Variants in SUDS3 observed in about 807,000 individuals in gnomAD.
The protein encoded by SUDS3 is sin3 histone deacetylase corepressor complex component SDS3.
A neutral mutation model predicts 53.5 loss-of-function variants in SUDS3; 23 were observed. The ratio of observed to expected loss-of-function variants is 0.43; its 90% CI spans 0.31 to 0.61. The LOEUF (loss-of-function observed/expected upper bound fraction) is 0.61, where lower values mean the gene tolerates loss of function less well. Ranked by LOEUF, SUDS3 falls within the 20% of genes least tolerant of loss-of-function variation. SUDS3 has a pLI of 0.10. For missense variants in SUDS3, 291 were observed against 405.9 expected (o/e 0.72, Z 2.43); for synonymous variants, 150 against 148.5 (o/e 1.01, Z -0.08).
intron 6 of SUDS3, among the ~76,000 whole-genome samples, chr12:118,391,522 T>C (rs184426443): frequency 4.2e-4 from 64 of 152,344 alleles, no homozygotes; most frequent in African/African-American, 1.5e-3. Context: ...GGATTGTGGT[T>C]AGACATATGA....
rs550407972 is a variant in SUDS3, at chr12:118,384,988, G to A, written c.268+921G>A. ...AGCAAGTAAGAGTAGATGTGATTAT[G>A]CATGAGGAGCGTCTAGCACAGCAGT... On this transcript the variant is annotated intron_variant, in intron 3 of 11. Transcript: ENST00000543473. 1.1e-4 allele frequency among the ~76,000 whole-genome samples: 17 copies of A among 152,346 alleles called. No individual in the cohort carries two copies. In the South Asian group the frequency reaches 2.5e-3, roughly 22 times the overall value.
chr12:118,385,218 C>A (rs1170311356), intron 3 of SUDS3, among the ~76,000 whole-genome samples: 1 of 152,114 alleles, frequency 6.6e-6, no homozygotes, highest in African/African-American at 2.4e-5. Flanking sequence ...AAGCGATTCT[C>A]CTGCGTCAGC....
At chr12:118,393,097 G>A (rs2046182433) in intron 6 of SUDS3, among the ~76,000 whole-genome samples, 1 of 152,238 alleles carries the variant, frequency 6.6e-6, no homozygotes, top group South Asian at 2.1e-4. Flanking sequence ...GGAAAGCACT[G>A]CCAAGGTAAT....
intron 3 of SUDS3, among the ~76,000 whole-genome samples, chr12:118,385,254 G>A (rs572287113): frequency 6.6e-6 from 1 of 152,054 alleles, no homozygotes; most frequent in Non-Finnish European, 1.5e-5. Context: ...GATTACAGAC[G>A]CCTGCCACCA....
rs945725924 is a variant in SUDS3, at chr12:118,376,802, G to A, written c.111G>A (p.Glu37=). ...DEELESAEDD[E]RSCRGRESDE... is the part of the protein sequence containing the mutation. ...AGCTGGAGAGCGCCGAGGACGACGA[G>A]CGCAGCTGTCGGGGCCGCGAGTCGG... Residue 37 remains glutamate (E), a synonymous_variant, in exon 1 of 12, where the codon GAG becomes GAA. Coordinates refer to ENST00000543473, the MANE Select transcript of SUDS3 (RefSeq NM_022491.3). The A allele has an allele frequency of 5.2e-6, 8 of 1,552,432 alleles. No individual in the cohort carries two copies. The highest frequency in any genetic ancestry group is 4.2e-5 in the African/African-American group (3 of 72,070).
chr12:118,394,996 T>G (rs1201662895), intron 6 of SUDS3, among the ~76,000 whole-genome samples: 1 of 152,114 alleles, frequency 6.6e-6, no homozygotes, highest in Non-Finnish European at 1.5e-5. Context: ...TTTTACTCAT[T>G]TTAAAACCCT....
intron 6 of SUDS3, among the ~76,000 whole-genome samples, chr12:118,400,219 T>G (rs1473976893): frequency 6.6e-6 from 1 of 152,238 alleles, no homozygotes; most frequent in Admixed American, 6.5e-5. Flanking sequence ...GCCAGTGGCC[T>G]CTAAAAGAGC....
chr12:118,391,092 G>GT, intron 5 of SUDS3, 34 bp from the exon 6 acceptor site: 1 of 1,611,038 alleles, frequency 6.2e-7, no homozygotes, highest in Non-Finnish European at 8.5e-7. Context: ...TCCCAGGGCT[G>GT]TGTACTCCCA....
At chr12:118,392,405 T>C (rs530187245) in intron 6 of SUDS3, among the ~76,000 whole-genome samples, 1 of 152,294 alleles carries the variant, frequency 6.6e-6, no homozygotes, top group East Asian at 1.9e-4. Context: ...CTTAAGAGAA[T>C]GTGGTTGTGC....
At chr12:118,386,038 A>G in intron 3 of SUDS3, 76 bp from the exon 4 acceptor site, 1 of 1,130,948 alleles carries the variant, frequency 8.8e-7, no homozygotes, top group Non-Finnish European at 1.3e-6. Context: ...TTGATGCTAG[A>G]TAATAATTTT....
In SUDS3 at chr12:118,401,988, G is replaced by T; in HGVS notation, c.681G>T (p.Lys227Asn). 6.2e-7 allele frequency: 1 copy of T among 1,613,972 alleles called. No individual in the cohort carries two copies. The highest frequency in any genetic ancestry group is 8.5e-7 in the Non-Finnish European group (1 of 1,179,886). Residue 227 changes from lysine (K) to asparagine (N), a missense_variant, in exon 9 of 12, where the codon AAG (lysine) becomes AAT (asparagine). This residue lies in a region of SUDS3 where 77 missense variants were observed against 87.1 expected (regional missense o/e 0.88). Transcript: ENST00000543473. ...TGTTGTTGTTCTTCCTACAGCTTAAGTCACCCAAGAGACCAGGTGAGTGCA... is the reference window on the plus strand; with the variant it reads ...TGTTGTTGTTCTTCCTACAGCTTAATTCACCCAAGAGACCAGGTGAGTGCA... ...MEDLRTLNKL[K>N]SPKRPASPSS...
At chr12:118,384,169 C>A in intron 3 of SUDS3, 102 bp downstream of exon 3, 2 of 1,210,362 alleles carry the variant, frequency 1.7e-6, no homozygotes, top group South Asian at 1.3e-5. Context: ...ATTTAAAACA[C>A]GGTCTGGCTG....
Position 118,414,464 on chromosome 12 carries a change from T to C in SUDS3, c.*31T>C. On this transcript the variant is annotated 3_prime_UTR_variant, in exon 12 of 12. Coordinates refer to ENST00000543473, the MANE Select transcript of SUDS3 (RefSeq NM_022491.3). ...TACAGTGCTCTTCTCTTGACCCTTT[T>C]TCTGGAGTGGGTTTTATTTTTGTTT... 4 of 1,486,406 alleles carry C rather than the reference T, an allele frequency of 2.7e-6. No individual in the cohort carries two copies. Among genetic ancestry groups the C allele is most frequent in the Non-Finnish European group, 3.6e-6 (4 of 1,109,054 alleles). The allele number at this position is 1,486,406 out of a possible 1,614,324, so 92.1% of individuals were successfully genotyped here.
At chr12:118,397,065 T>C (rs2046222678) in intron 6 of SUDS3, among the ~76,000 whole-genome samples, 1 of 152,188 alleles carries the variant, frequency 6.6e-6, no homozygotes, top group Non-Finnish European at 1.5e-5. Flanking sequence ...CTGCTTTAAG[T>C]GCTTGATGTT....
chr12:118,408,345 T>A (rs2046326925), intron 10 of SUDS3, among the ~76,000 whole-genome samples: 1 of 146,420 alleles, frequency 6.8e-6, no homozygotes, highest in South Asian at 2.2e-4. Context: ...GTTTTTTTTT[T>A]TTTTTTGAGA....
At chr12:118,408,475 A>G (rs941260234) in intron 10 of SUDS3, among the ~76,000 whole-genome samples, 1 of 151,818 alleles carries the variant, frequency 6.6e-6, no homozygotes, top group Non-Finnish European at 1.5e-5. Context: ...CTGGGATTAC[A>G]AGCGCACACC....
intron 6 of SUDS3, among the ~76,000 whole-genome samples, chr12:118,392,234 G>A (rs1268086770): frequency 6.6e-6 from 1 of 152,232 alleles, no homozygotes; most frequent in Non-Finnish European, 1.5e-5. Context: ...GCAGGGTTCT[G>A]TAGGAAATGC....
At chr12:118,401,622 A>G in intron 7 of SUDS3, 137 bp from the exon 8 acceptor site, 1 of 733,808 alleles carries the variant, frequency 1.4e-6, no homozygotes, top group Non-Finnish European at 2.3e-6. Context: ...ATAAATTTCT[A>G]AGAAGCAAAC....
chr12:118,380,984 C>T (rs983527281), intron 2 of SUDS3, among the ~76,000 whole-genome samples: 3 of 152,106 alleles, frequency 2.0e-5, no homozygotes, highest in South Asian at 4.2e-4. Context: ...ATTACAGGCG[C>T]GAGCCACTGC....
Sources: gnomAD v4.1 joint callset for allele counts (sites outside exome capture counted in the v4.1 genomes callset) on GRCh38, gnomAD v4.1.1 for gene constraint, gnomAD v4.1.1 regional missense constraint, MANE v1.5 for transcripts, NCBI Gene and HGNC (gene_info 2026-07-23, HGNC 2026-07-21) for gene names.